CATSPERB: variants seen among roughly 807,000 people sequenced by gnomAD.
CATSPERB encodes the protein cation channel sperm-associated auxiliary subunit beta.
In CATSPERB, 93 loss-of-function variants were observed where a neutral mutation model predicts 128.3. The observed-to-expected ratio is 0.72, with a 90% CI of 0.61 to 0.86. The LOEUF is 0.86. CATSPERB is among the 40% of genes least tolerant of loss of function. CATSPERB has a pLI of 0.00. For missense variants in CATSPERB, 1,153 were observed against 1,329.5 expected (o/e 0.87, Z 2.06); for synonymous variants, 381 against 448.8 (o/e 0.85, Z 1.91).
chr14:91,633,877 C>A, intron 17 of CATSPERB, among the ~76,000 whole-genome samples: 1 of 151,610 alleles, frequency 6.6e-6, no homozygotes, highest in East Asian at 1.9e-4. Context: ...GTGTCAGGAA[C>A]AACAATAATT....
chr14:91,659,851 T>A lies in CATSPERB; in HGVS notation c.1418A>T (p.Tyr473Phe). 6.2e-7 allele frequency: 1 copy of A among 1,605,604 alleles called. No homozygotes were observed. Among genetic ancestry groups the A allele is most frequent in the South Asian group, 1.1e-5 (1 of 88,916 alleles). Residue 473 changes from tyrosine to phenylalanine, a missense_variant, in exon 15 of 27, where the codon TAC becomes TTC. Tyr to Phe is a conservative substitution (Grantham distance 22, BLOSUM62 3). Coordinates refer to ENST00000256343, the MANE Select transcript of CATSPERB (RefSeq NM_024764.4). ...AAATTTCTTACCTGCCTTTGTCGAG[T>A]AAACCTTTCCACGTTGAGAAACAAA... ...ITFVSQRGKV[Y>F]STKAGMGRYS... is the part of the protein sequence containing the mutation.
rs376711826 is a variant in CATSPERB at position 91,727,505 on chromosome 14, TACAAATATC to T, written c.79+1887_79+1895del. Among the ~76,000 whole-genome samples, 791 of 152,330 alleles carry T rather than the reference TACAAATATC, an allele frequency of 5.2e-3. 7 individuals carry two copies. The highest frequency in any genetic ancestry group is 0.018 in the African/African-American group (739 of 41,590). ...GAAATTCTATAAGTAAACATATCTT[TACAAATATC>T]ACAAATATGCAAAATATACAAATAT... On this transcript the variant is annotated intron_variant, in intron 2 of 26. Transcript: ENST00000256343.
intron 26 of CATSPERB, among the ~76,000 whole-genome samples, chr14:91,581,665 C>T (rs1395793052): frequency 6.6e-6 from 1 of 152,166 alleles, no homozygotes; most frequent in African/African-American, 2.4e-5. Flanking sequence ...AGCTAATTAA[C>T]AGAAGCAAGT....
Position 91,589,425 on chromosome 14 carries a change from A to T in CATSPERB, c.2956+109T>A, listed in dbSNP as rs1893357785. The T allele has an allele frequency of 9.5e-6, 10 of 1,050,630 alleles. No individual in the cohort carries two copies. In the South Asian group the frequency reaches 2.3e-4, roughly 24 times the overall value. The allele number at this position is 1,050,630 out of a possible 1,614,324, so 65.1% of individuals were successfully genotyped here. Reference sequence around the variant, plus strand: ...AACTGATCCAAATCCATTTGCAAGAACTCCTGGCTCTCTTTTGTGTGAACA... The same window carrying T: ...AACTGATCCAAATCCATTTGCAAGATCTCCTGGCTCTCTTTTGTGTGAACA... On this transcript the variant is annotated intron_variant, in intron 24 of 26. Coordinates refer to ENST00000256343, the MANE Select transcript of CATSPERB (RefSeq NM_024764.4).
chr14:91,730,917 A>G (rs1229540131), intron 1 of CATSPERB, among the ~76,000 whole-genome samples: 1 of 152,228 alleles, frequency 6.6e-6, no homozygotes, highest in Non-Finnish European at 1.5e-5. Context: ...ATCATCTGAG[A>G]AAACAACTTG....
intron 3 of CATSPERB, among the ~76,000 whole-genome samples, 176 bp downstream of exon 3, chr14:91,724,904 G>C (rs1313836285): frequency 6.6e-6 from 1 of 152,142 alleles, no homozygotes; most frequent in East Asian, 1.9e-4. Context: ...TATTTTACCT[G>C]CTCCAAGTAG....
chr14:91,722,924 A>G (rs1896057953), intron 4 of CATSPERB, 125 bp downstream of exon 4: 2 of 618,158 alleles, frequency 3.2e-6, no homozygotes, highest in South Asian at 1.4e-4. Context: ...TAACACTATC[A>G]GTGGGCTTAA....
chr14:91,699,994 T>G (rs935249030), intron 7 of CATSPERB, among the ~76,000 whole-genome samples: 2 of 152,176 alleles, frequency 1.3e-5, no homozygotes, highest in Non-Finnish European at 2.9e-5. Context: ...GCAGGTTTTT[T>G]GCATAGGTGT....
intron 15 of CATSPERB, among the ~76,000 whole-genome samples, chr14:91,649,686 A>G (rs1446703464): frequency 2.7e-5 from 3 of 110,396 alleles, no homozygotes; most frequent in Non-Finnish European, 6.2e-5. Context: ...AATGATCACA[A>G]TAAAGGATTC....
At chr14:91,648,489 T>A (rs1894644558) in intron 15 of CATSPERB, among the ~76,000 whole-genome samples, 1 of 152,234 alleles carries the variant, frequency 6.6e-6, no homozygotes, top group Admixed American at 6.5e-5. Flanking sequence ...TATTAAAGAT[T>A]TAACACTGTC....
chr14:91,688,978 T>C (rs1249537907), intron 10 of CATSPERB, among the ~76,000 whole-genome samples: 1 of 152,202 alleles, frequency 6.6e-6, no homozygotes, highest in East Asian at 1.9e-4. Flanking sequence ...AAGTGTGCTT[T>C]GAAGAGAGGG....
intron 16 of CATSPERB, 80 bp from the exon 17 acceptor site, chr14:91,636,659 T>C: frequency 8.0e-7 from 1 of 1,253,562 alleles, no homozygotes; most frequent in Non-Finnish European, 1.1e-6. Context: ...ACAGATTTAT[T>C]TCCAGTTCAC....
At chr14:91,582,149 A>T (rs2139751700) in intron 26 of CATSPERB, among the ~76,000 whole-genome samples, 1 of 152,324 alleles carries the variant, frequency 6.6e-6, no homozygotes, top group East Asian at 1.9e-4. Context: ...CCAGCCCACC[A>T]GTCCGTGTTG....
intron 22 of CATSPERB, among the ~76,000 whole-genome samples, chr14:91,596,212 C>T (rs28889679): frequency 6.6e-6 from 1 of 150,954 alleles, no homozygotes; most frequent in Non-Finnish European, 1.5e-5. Context: ...ATCCACCCCC[C>T]TTTTTTTTTG....
At chr14:91,593,586 C>T (rs1893449161) in intron 22 of CATSPERB, among the ~76,000 whole-genome samples, 1 of 152,184 alleles carries the variant, frequency 6.6e-6, no homozygotes, top group South Asian at 2.1e-4. Flanking sequence ...GCTGTATTTA[C>T]CCAATACCTG....
At chr14:91,710,744 C>T (rs1308709922) in intron 5 of CATSPERB, 2 of 152,186 alleles carry the variant, frequency 1.3e-5, no homozygotes, top group Non-Finnish European at 2.9e-5. Context: ...ACTCCAGTGG[C>T]TGAATGTTTA....
chr14:91,703,779 T>C (rs1437536849), intron 7 of CATSPERB, among the ~76,000 whole-genome samples: 1 of 152,200 alleles, frequency 6.6e-6, no homozygotes. Flanking sequence ...GTTTTGACCT[T>C]TATAATAAAC....
chr14:91,663,213 T>TG (rs1183922322), intron 14 of CATSPERB, among the ~76,000 whole-genome samples: 1 of 152,196 alleles, frequency 6.6e-6, no homozygotes, highest in Non-Finnish European at 1.5e-5. Flanking sequence ...ATAAGAAAAC[T>TG]GACTGCTAAA....
At chr14:91,604,503 C>T in intron 22 of CATSPERB, 2 of 1,601,588 alleles carry the variant, frequency 1.2e-6, no homozygotes, top group South Asian at 1.1e-5. Context: ...ACATTATGGC[C>T]TTCCCCAGCA....
Sources: allele counts gnomAD v4.1 joint callset (sites outside exome capture counted in the v4.1 genomes callset), GRCh38; gene constraint gnomAD v4.1.1; transcripts MANE v1.5; gene names NCBI Gene and HGNC (gene_info 2026-07-23, HGNC 2026-07-21).